Variants in SH2D4B observed in about 807,000 individuals in gnomAD.
SH2D4B encodes the protein SH2 domain containing 4B.
In SH2D4B, 45 loss-of-function variants were observed where a neutral mutation model predicts 61.5. That is an observed-to-expected ratio of 0.73 (90% CI 0.58 to 0.94). The LOEUF (loss-of-function observed/expected upper bound fraction) is 0.94, where lower values mean the gene tolerates loss of function less well. Among genes scored for constraint, SH2D4B ranks in the 40% least tolerant of loss-of-function variants. The pLI is 0.00. For synonymous variants in SH2D4B, 224 were observed against 220.4 expected (o/e 1.02, Z -0.14); for missense variants, 572 against 574.2 (o/e 1.00, Z 0.04).
At chr10:80,541,294 T>TG (rs1390633582) in intron 1 of SH2D4B, among the ~76,000 whole-genome samples, 1 of 152,224 alleles carries the variant, frequency 6.6e-6, no homozygotes, top group Non-Finnish European at 1.5e-5. Context: ...TCTCTTCCTT[T>TG]GGGTTTTCTG....
At chr10:80,614,859 C>A (rs555491096) in intron 6 of SH2D4B, among the ~76,000 whole-genome samples, 1 of 152,244 alleles carries the variant, frequency 6.6e-6, no homozygotes, top group Non-Finnish European at 1.5e-5. Context: ...GGATGTTCTC[C>A]ACCCTGTGAC....
At chr10:80,573,903 A>G (rs1156828517) in intron 3 of SH2D4B, among the ~76,000 whole-genome samples, 2 of 152,130 alleles carry the variant, frequency 1.3e-5, no homozygotes, top group African/African-American at 2.4e-5. Context: ...GCATCAATTT[A>G]TAGCTGTCTT....
chr10:80,593,945 G>T (rs1033553338), intron 4 of SH2D4B, among the ~76,000 whole-genome samples: 11 of 152,062 alleles, frequency 7.2e-5, no homozygotes, highest in Non-Finnish European at 1.3e-4. Context: ...GAGTAGTTGG[G>T]ACTACAGATG....
At chr10:80,607,810 A>G (rs1842536935) in intron 5 of SH2D4B, among the ~76,000 whole-genome samples, 1 of 152,184 alleles carries the variant, frequency 6.6e-6, no homozygotes, top group Admixed American at 6.5e-5. Flanking sequence ...CAAAATAAGA[A>G]TTTACCAGTC....
intron 5 of SH2D4B, among the ~76,000 whole-genome samples, chr10:80,604,894 C>T (rs1159632215): frequency 6.6e-6 from 1 of 151,978 alleles, no homozygotes; most frequent in African/African-American, 2.4e-5. Flanking sequence ...TCCAGATTCA[C>T]TCCATTCTCC....
In SH2D4B at chr10:80,644,145, C is replaced by A; in HGVS notation, c.*60C>A. 7.4e-7 allele frequency: 1 copy of A among 1,346,608 alleles called. No individual in the cohort carries two copies. The allele number at this position is 1,346,608 out of a possible 1,614,324, so 83.4% of individuals were successfully genotyped here. A position where few individuals can be genotyped will look rare whatever the true frequency, so the allele number is the denominator to read the frequency against. ...CCTGTTTTTGAACTCAGCTTAAGAA[C>A]TTCTCATCTCAAATCCTATGGCCTT... On this transcript the variant is annotated 3_prime_UTR_variant, in exon 8 of 8. Transcript: ENST00000646907.
intron 1 of SH2D4B, among the ~76,000 whole-genome samples, chr10:80,558,477 T>TTTA (rs1277551175): frequency 7.3e-6 from 1 of 137,678 alleles, no homozygotes; most frequent in East Asian, 1.9e-4. Flanking sequence ...TGATCATGCA[T>TTTA]TTATTTATTT....
In SH2D4B at chr10:80,554,301, G is replaced by A. The variant is rs567900906; in HGVS notation, c.184+15786G>A. On this transcript the variant is annotated intron_variant, in intron 1 of 7. Transcript: ENST00000646907. Reference sequence around the variant, plus strand: ...GCTGTAGGCACAGAGGGGGACATCTGCACTGTATCTTGTGGTCCATAGTGT... The same window carrying A: ...GCTGTAGGCACAGAGGGGGACATCTACACTGTATCTTGTGGTCCATAGTGT... Among the ~76,000 whole-genome samples the A allele has an allele frequency of 2.0e-4, 30 of 152,274 alleles. No individual in the cohort carries two copies. In the South Asian group the frequency reaches 4.4e-3, roughly 22 times the overall value.
intron 5 of SH2D4B, among the ~76,000 whole-genome samples, chr10:80,604,651 C>A (rs10748551): frequency 2.6e-5 from 4 of 152,010 alleles, no homozygotes; most frequent in East Asian, 1.9e-4. Context: ...TCCCCTCCCC[C>A]CTTCCCACCC....
At chr10:80,607,367 G>T (rs1842532045) in intron 5 of SH2D4B, 1 of 152,272 alleles carries the variant, frequency 6.6e-6, no homozygotes, top group Non-Finnish European at 1.5e-5. Context: ...GACATCTGAG[G>T]TTACTGAGAA....
At chr10:80,618,214 TA>T (rs1386106063) in intron 6 of SH2D4B, among the ~76,000 whole-genome samples, 1 of 152,212 alleles carries the variant, frequency 6.6e-6, no homozygotes, top group Non-Finnish European at 1.5e-5. Flanking sequence ...GTGAGACTGA[TA>T]TTAAACAATC....
chr10:80,552,215 G>A (rs1212360584), intron 1 of SH2D4B, among the ~76,000 whole-genome samples: 2 of 152,176 alleles, frequency 1.3e-5, no homozygotes, highest in Non-Finnish European at 2.9e-5. Context: ...CTCATGCCCA[G>A]GGTCACACAG....
chr10:80,614,513 T>C (rs1265498045), intron 6 of SH2D4B, among the ~76,000 whole-genome samples: 1 of 152,194 alleles, frequency 6.6e-6, no homozygotes, highest in Admixed American at 6.5e-5. Flanking sequence ...GGGACAAATA[T>C]CCAAACCATA....
intron 6 of SH2D4B, among the ~76,000 whole-genome samples, chr10:80,613,275 C>G (rs760220397): frequency 1.3e-5 from 2 of 152,204 alleles, no homozygotes; most frequent in Non-Finnish European, 2.9e-5. Flanking sequence ...TATCAAACTA[C>G]TTGTGAGAAA....
chr10:80,549,245 G>GTA (rs1841726199), intron 1 of SH2D4B, among the ~76,000 whole-genome samples: 1 of 151,632 alleles, frequency 6.6e-6, no homozygotes, highest in African/African-American at 2.4e-5. Flanking sequence ...GTGTGTGTGT[G>GTA]AGTTTGGCAT....
chr10:80,593,326 T>C (rs2132133311), intron 4 of SH2D4B, among the ~76,000 whole-genome samples: 3 of 152,368 alleles, frequency 2.0e-5, no homozygotes, highest in Admixed American at 2.0e-4. Flanking sequence ...TTCCAATTCA[T>C]GATCACAGAA....
At chr10:80,571,687 G>T (rs906806239) in intron 3 of SH2D4B, 109 bp downstream of exon 3, 63 of 1,247,844 alleles carry the variant, frequency 5.0e-5, no homozygotes, top group Non-Finnish European at 6.5e-5. Context: ...GGTACTGGGT[G>T]CTTTATGAGA....
chr10:80,628,047 G>C (rs957822730), intron 6 of SH2D4B, among the ~76,000 whole-genome samples: 4 of 152,166 alleles, frequency 2.6e-5, no homozygotes, highest in African/African-American at 9.7e-5. Flanking sequence ...GCTGGAAGGG[G>C]TGAGGTAGGG....
chr10:80,586,988 A>G (rs1017132234), intron 3 of SH2D4B, among the ~76,000 whole-genome samples: 1 of 152,132 alleles, frequency 6.6e-6, no homozygotes, highest in Non-Finnish European at 1.5e-5. Context: ...ACCCACCAGA[A>G]GGAAGAAACT....
Sources: allele counts gnomAD v4.1 joint callset (sites outside exome capture counted in the v4.1 genomes callset), GRCh38; gene constraint gnomAD v4.1.1; transcripts MANE v1.5; gene names NCBI Gene and HGNC (gene_info 2026-07-23, HGNC 2026-07-21).